EIF3M: variants seen among roughly 807,000 people sequenced by gnomAD.
The protein encoded by EIF3M is B5 receptor.
A neutral mutation model predicts 49.7 loss-of-function variants in EIF3M; 25 were observed. The observed-to-expected ratio is 0.50, with a 90% confidence interval of 0.37 to 0.70. The LOEUF is 0.70. Among genes scored for constraint, EIF3M ranks in the 30% least tolerant of loss-of-function variants. The probability of loss-of-function intolerance (pLI) is 0.00; values close to 1 mark genes in which losing one functional copy is unlikely to be tolerated. For synonymous variants in EIF3M, 156 were observed against 149.8 expected, an observed-to-expected ratio of 1.04 and a Z score of -0.30; for missense variants, 350 against 440.0, an observed-to-expected ratio of 0.80 and a Z score of 1.83.
intron 5 of EIF3M, 21 bp from the exon 6 acceptor site, chr11:32,593,845 T>G (rs761673610): frequency 2.0e-5 from 30 of 1,537,630 alleles, no homozygotes; most frequent in Non-Finnish European, 2.6e-5. Flanking sequence ...TTCAAGTTCC[T>G]AAAGCAATAT....
Position 32,605,729 on chromosome 11 carries a change from CTAA to C in EIF3M, c.*3332_*3334del, listed in dbSNP as rs1160428195. ...AGAAACAAGATACAGTGTAGATTAG[CTAA>C]TGTTTGCGCTTAACAAAACTTGTCC... On this transcript the variant is annotated 3_prime_UTR_variant, in exon 11 of 11. Coordinates refer to ENST00000531120, the MANE Select transcript of EIF3M (RefSeq NM_006360.6). 1 of 151,782 alleles carries C rather than the reference CTAA, an allele frequency of 6.6e-6. No homozygotes were observed. Among genetic ancestry groups the C allele is most frequent in the Non-Finnish European group, 1.5e-5 (1 of 67,938 alleles). The allele number at this position is 151,782 out of a possible 1,614,324, so 9.4% of individuals were successfully genotyped here.
At position 32,602,994 on chromosome 11, in the gene EIF3M, A is replaced by C. The variant is rs1407725067; in HGVS notation, c.*595A>C. 1 of 1,603,720 alleles carries C rather than the reference A, an allele frequency of 6.2e-7. No homozygotes were observed. The highest frequency in any genetic ancestry group is 1.3e-5 in the African/African-American group (1 of 74,132). On this transcript the variant is annotated 3_prime_UTR_variant, in exon 11 of 11. Transcript: ENST00000531120. ...TTGCCTGCAAATGGCTTTGTAGTGG[A>C]GTTGATATCAGAGGCTTTGTTTTCA...
In EIF3M at chr11:32,584,135, G is replaced by A. The variant is rs368323586; in HGVS notation, c.42+206G>A. The A allele has an allele frequency of 9.9e-4, 617 of 622,134 alleles. 7 individuals are homozygous for A. The East Asian group carries it at 0.015, about 15-fold the overall frequency. 38.5% of individuals were successfully genotyped at this position (622,134 alleles called of 1,614,324 possible). A position where few individuals can be genotyped will look rare whatever the true frequency, so the allele number is the denominator to read the frequency against. On this transcript the variant is annotated intron_variant, in intron 1 of 10. Transcript: ENST00000531120. ...GGCCGGCGGTCCCAGCGCGGGGCCC[G>A]ACGCTTCACCGCCAGCTCCCTGGTC...
chr11:32,599,044 C>A (rs201856), intron 8 of EIF3M, among the ~76,000 whole-genome samples: 2 of 151,638 alleles, frequency 1.3e-5, no homozygotes, highest in African/African-American at 2.4e-5. Flanking sequence ...TATTTTAATT[C>A]TATAATTAAA....
intron 1 of EIF3M, among the ~76,000 whole-genome samples, chr11:32,584,755 C>T (rs1854968706): frequency 6.6e-6 from 1 of 152,068 alleles, no homozygotes; most frequent in African/African-American, 2.4e-5. Context: ...ATCAGTTCAG[C>T]TCTTAAATTC....
intron 2 of EIF3M, 101 bp from the exon 3 acceptor site, chr11:32,588,493 T>G (rs1294320200): frequency 1.5e-6 from 2 of 1,362,684 alleles, no homozygotes; most frequent in East Asian, 4.8e-5. Context: ...TGTCTTACAT[T>G]TGATGGTCTT....
chr11:32,599,055 CATTT>C (rs981809064), intron 8 of EIF3M, among the ~76,000 whole-genome samples: 3 of 151,930 alleles, frequency 2.0e-5, no homozygotes, highest in African/African-American at 7.2e-5. Flanking sequence ...TATAATTAAA[CATTT>C]ATTACAGCTG....
At chr11:32,592,533 T>A (rs201872) in intron 5 of EIF3M, 8 of 534,434 alleles carry the variant, frequency 1.5e-5, no homozygotes, top group African/African-American at 1.9e-5. Context: ...TCCATTGCAC[T>A]CCTCAGCCTT....
intron 1 of EIF3M, among the ~76,000 whole-genome samples, chr11:32,585,590 C>T (rs1366247049): frequency 6.6e-6 from 1 of 152,134 alleles, no homozygotes; most frequent in Non-Finnish European, 1.5e-5. Context: ...TTCAATAGTT[C>T]TTAGAAAAAG....
At chr11:32,591,920 C>A (rs895534686) in intron 5 of EIF3M, 4 of 269,802 alleles carry the variant, frequency 1.5e-5, no homozygotes, top group Non-Finnish European at 3.0e-5. Flanking sequence ...CATTATAGTT[C>A]CCACCACCAC....
At chr11:32,588,772 C>T in intron 3 of EIF3M, 40 bp downstream of exon 3, 1 of 1,610,360 alleles carries the variant, frequency 6.2e-7, no homozygotes, top group African/African-American at 1.4e-5. Flanking sequence ...TTTCTAGGTG[C>T]TTTTTTCATG....
chr11:32,594,902 T>C lies in EIF3M; in HGVS notation c.618-12T>C. On this transcript the variant is annotated splice_polypyrimidine_tract_variant and intron_variant, in intron 6 of 10. Coordinates refer to ENST00000531120, the MANE Select transcript of EIF3M (RefSeq NM_006360.6). The stretch of plus-strand genomic sequence containing the variant: ...CAAAACCCTGAGCTTACATTTTTGT[T>C]CTCTAATTAAGGTGTATTGTACGAG... 1 of 1,596,808 alleles carries C rather than the reference T, an allele frequency of 6.3e-7. No homozygotes were observed. Among genetic ancestry groups the C allele is most frequent in the Non-Finnish European group, 8.5e-7 (1 of 1,172,618 alleles).
At position 32,604,612 on chromosome 11, in the gene EIF3M, GTTC is replaced by G. The variant is rs1312318728; in HGVS notation, c.*2216_*2218del. ...TTAAACATTTTTAGCATTTCCTCCT[GTTC>G]TTAAGTCTGTTAAGAGGATAGCTCC... On this transcript the variant is annotated 3_prime_UTR_variant, in exon 11 of 11. Transcript: ENST00000531120. 6.6e-6 allele frequency: 1 copy of G among 152,036 alleles called. No homozygotes were observed. The highest frequency in any genetic ancestry group is 1.5e-5 in the Non-Finnish European group (1 of 68,020). The allele number at this position is 152,036 out of a possible 1,614,324, so 9.4% of individuals were successfully genotyped here.
Position 32,588,710 on chromosome 11 carries a change from C to A in EIF3M, c.292C>A (p.Arg98Ser), listed in dbSNP as rs775868574. The A allele has an allele frequency of 6.2e-7, 1 of 1,614,164 alleles. No individual in the cohort carries two copies. Among genetic ancestry groups the A allele is most frequent in the South Asian group, 1.1e-5 (1 of 91,084 alleles). Residue 98 changes from arginine (R) to serine (S), a missense_variant, in exon 3 of 11, where the codon CGC (arginine) becomes AGC (serine). Transcript: ENST00000531120. The stretch of plus-strand genomic sequence containing the variant: ...GCTGGTCAAATTTCGCGAAGGTGAA[C>A]GCCCGTCTCTGAGACTGCAGTTGTA... ...EKLVKFREGE[R>S]PSLRLQLLSN...
intron 5 of EIF3M, among the ~76,000 whole-genome samples, chr11:32,593,354 T>G (rs1855130562): frequency 6.6e-6 from 1 of 152,368 alleles, no homozygotes; most frequent in African/African-American, 2.4e-5. Flanking sequence ...GAAGGGTATC[T>G]TAAGTAGAGT....
At position 32,588,718 on chromosome 11, in the gene EIF3M, T is replaced by G. The variant is rs1223272420; in HGVS notation, c.300T>G (p.Ser100=). The G allele has an allele frequency of 6.2e-7, 1 of 1,614,236 alleles. No homozygotes were observed. Among genetic ancestry groups the G allele is most frequent in the South Asian group, 1.1e-5 (1 of 91,090 alleles). The change falls in exon 3 of 11, where the codon TCT becomes TCG. Residue 100 remains serine (S), a synonymous_variant. Transcript: ENST00000531120. ...AATTTCGCGAAGGTGAACGCCCGTC[T>G]CTGAGACTGCAGTTGTAAGTTAAGA... ...LVKFREGERP[S]LRLQLLSNLF... is the part of the protein sequence containing the mutation.
In EIF3M at chr11:32,602,617, C is replaced by A; in HGVS notation, c.*218C>A. 1.3e-6 allele frequency: 1 copy of A among 742,230 alleles called. No individual in the cohort carries two copies. Among genetic ancestry groups the A allele is most frequent in the South Asian group, 2.1e-5 (1 of 47,152 alleles). The allele number at this position is 742,230 out of a possible 1,614,324, so 46.0% of individuals were successfully genotyped here. A position where few individuals can be genotyped will look rare whatever the true frequency, so the allele number is the denominator to read the frequency against. On this transcript the variant is annotated 3_prime_UTR_variant, in exon 11 of 11. Transcript: ENST00000531120. The stretch of plus-strand genomic sequence containing the variant: ...TCTTTAAAAAAGGATATTGAAGAAG[C>A]AATGAGCACTTTAAAGAAAGGATAA...
intron 8 of EIF3M, among the ~76,000 whole-genome samples, chr11:32,598,770 AAG>A: frequency 6.6e-6 from 1 of 152,182 alleles, no homozygotes; most frequent in Non-Finnish European, 1.5e-5. Flanking sequence ...GAAATTTCAG[AAG>A]TTTCTATCAC....
At chr11:32,601,925 GTAGT>G in intron 10 of EIF3M, 103 bp downstream of exon 10, 2 of 1,199,234 alleles carry the variant, frequency 1.7e-6, no homozygotes, top group Non-Finnish European at 2.4e-6. Context: ...TCACTTGACT[GTAGT>G]TAAATAGTTG....
Sources: allele counts gnomAD v4.1 joint callset (sites outside exome capture counted in the v4.1 genomes callset), GRCh38; gene constraint gnomAD v4.1.1; transcripts MANE v1.5; gene names NCBI Gene and HGNC (gene_info 2026-07-23, HGNC 2026-07-21).